The following GOLGA8M variants were observed in gnomAD, a reference collection of about 807,000 sequenced individuals.
The protein encoded by GOLGA8M is golgin subfamily A member 8M.
A neutral mutation model predicts 87.7 loss-of-function variants in GOLGA8M; 34 were observed. The ratio of observed to expected loss-of-function variants is 0.39; its 90% CI spans 0.29 to 0.52. The LOEUF is 0.52. GOLGA8M is among the 20% of genes least tolerant of loss of function. The pLI, the probability that GOLGA8M is intolerant of heterozygous loss-of-function variation, is 0.80. For synonymous variants in GOLGA8M, 138 were observed against 250.2 expected (o/e 0.55, Z 4.23); for missense variants, 396 against 682.2 (o/e 0.58, Z 4.67).
At chr15:28,702,610 C>G in intron 16 of GOLGA8M, 35 bp downstream of exon 16, 1 of 1,608,574 alleles carries the variant, frequency 6.2e-7, no homozygotes, top group Non-Finnish European at 8.5e-7. Context: ...GACGGTCCTG[C>G]AGCTCCCCCT....
Position 28,702,913 on chromosome 15 carries a change from G to A in GOLGA8M, c.1369-168C>T, listed in dbSNP as rs1009666506. The A allele has an allele frequency of 1.0e-5, 10 of 969,888 alleles. 1 individual carries two copies. In the Admixed American group the frequency reaches 4.8e-4, roughly 46 times the overall value. The allele number at this position is 969,888 out of a possible 1,614,324, so 60.1% of individuals were successfully genotyped here. On this transcript the variant is annotated intron_variant, in intron 15 of 18. Coordinates refer to ENST00000563027, the MANE Select transcript of GOLGA8M (RefSeq NM_001282468.3). ...CACAGACTCGCCCCCAGGCCCTGGG[G>A]CTGCAGGGCCTCTGGCTGCCTCTGG...
rs542211626 is a variant in GOLGA8M, at chr15:28,698,644, T to C, written c.*3310A>G. Among the ~76,000 whole-genome samples the C allele has an allele frequency of 0.012, 1,756 of 145,212 alleles. 206 individuals carry two copies. Among genetic ancestry groups the C allele is most frequent in the African/African-American group, 0.047 (1,681 of 35,930 alleles). ...TTAATAAACACTTGCATAGTTATAT[T>C]ACAACTTTGTAAAAATGAAACACAT... On this transcript the variant is annotated 3_prime_UTR_variant, in exon 19 of 19. Coordinates refer to ENST00000563027, the MANE Select transcript of GOLGA8M (RefSeq NM_001282468.3).
intron 13 of GOLGA8M, among the ~76,000 whole-genome samples, chr15:28,704,608 C>T (rs1232882662): frequency 2.7e-5 from 4 of 147,476 alleles, no homozygotes; most frequent in Admixed American, 7.0e-5. Flanking sequence ...ACAAGAGTGT[C>T]ACTCTGTGGC....
At position 28,702,532 on chromosome 15, in the gene GOLGA8M, C is replaced by T. The variant is rs753624309; in HGVS notation, c.1500G>A (p.Gly500=). ...QKIHHLLSEP[G]GRAKDAALGG... ...CCAGTGCCGCATCTTTGGCACGGCCCCCTGGTTCTGATAAAAGGTGATGGA... is the reference window on the plus strand; with the variant it reads ...CCAGTGCCGCATCTTTGGCACGGCCTCCTGGTTCTGATAAAAGGTGATGGA... The change falls in exon 17 of 19, where the codon GGG becomes GGA. Residue 500 remains glycine, a synonymous_variant. Transcript: ENST00000563027. 1.2e-6 allele frequency: 2 copies of T among 1,602,832 alleles called. No individual in the cohort carries two copies. The highest frequency in any genetic ancestry group is 1.3e-5 in the African/African-American group (1 of 74,128).
In GOLGA8M at chr15:28,701,925, C is replaced by A. The variant is rs1209944501; in HGVS notation, c.*29G>T. 1.9e-6 allele frequency: 3 copies of A among 1,595,538 alleles called. No homozygotes were observed. Among genetic ancestry groups the A allele is most frequent in the South Asian group, 1.1e-5 (1 of 90,526 alleles). On this transcript the variant is annotated 3_prime_UTR_variant, in exon 19 of 19. Transcript: ENST00000563027. ...AACTTGGTTTCTTATTTAAAAATTT[C>A]TTGAGCAGCTCTTTGAGGATGGTGA...
At chr15:28,709,243 C>G in intron 4 of GOLGA8M, 24 bp downstream of exon 4, 1 of 1,468,000 alleles carries the variant, frequency 6.8e-7, no homozygotes, top group Non-Finnish European at 9.3e-7. Flanking sequence ...AGCGTGGAAT[C>G]AGGGGACCCC....
At chr15:28,708,100 G>A (rs901043554) in intron 6 of GOLGA8M, 26 bp downstream of exon 6, 1 of 1,605,008 alleles carries the variant, frequency 6.2e-7, no homozygotes, top group African/African-American at 1.3e-5. Flanking sequence ...CGGAGGACAG[G>A]AGGAAACTGC....
chr15:28,707,147 A>T (rs1447731483), intron 8 of GOLGA8M, among the ~76,000 whole-genome samples: 1 of 135,888 alleles, frequency 7.4e-6, no homozygotes, highest in Non-Finnish European at 1.5e-5. Context: ...AGGTCTATCC[A>T]ATTCTCTAAG....
chr15:28,703,897 G>C lies in GOLGA8M; in HGVS notation c.1221C>G (p.Ser407Arg), dbSNP rs749953175. The C allele has an allele frequency of 3.0e-5, 48 of 1,579,550 alleles. 1 individual carries two copies. The highest frequency in any genetic ancestry group is 2.4e-5 in the Non-Finnish European group (28 of 1,175,376). The change falls in exon 14 of 19, where the codon AGC (serine) becomes AGG (arginine). Residue 407 changes from serine (S) to arginine (R), a missense_variant. Coordinates refer to ENST00000563027, the MANE Select transcript of GOLGA8M (RefSeq NM_001282468.3). ...GGGCCGTTAGCTGCTGGTTCTGCTG[G>C]CTGGCAGCTTCCAGGTGCTCCTAAG... ...KLGEEHLEAASQQNQQLTAQL... is the reference protein window; with the variant it reads ...KLGEEHLEAARQQNQQLTAQL...
In GOLGA8M at chr15:28,706,475, T is replaced by G; in HGVS notation, c.710A>C (p.Glu237Ala). Residue 237 changes from glutamate (E) to alanine (A), a missense_variant, in exon 10 of 19, where the codon GAA becomes GCA. Glu to Ala is a moderately radical substitution (Grantham distance 107). Around this residue, in one of 12 missense-constraint regions of GOLGA8M, gnomAD observed 16 missense variants for 19.8 expected, o/e 0.81. Coordinates refer to ENST00000563027, the MANE Select transcript of GOLGA8M (RefSeq NM_001282468.3). ...LKESFQQVQL[E>A]RDEYSEHLKG... is the part of the protein sequence containing the mutation. The stretch of plus-strand genomic sequence containing the variant: ...TAGATGTTCAGAATACTCATCTCTT[T>G]CTAATTGGACTTGTTGAAATGACTC... The G allele has an allele frequency of 1.5e-6, 2 of 1,297,466 alleles. No individual in the cohort carries two copies. The highest frequency in any genetic ancestry group is 2.2e-6 in the Non-Finnish European group (2 of 908,258). 80.4% of individuals were successfully genotyped at this position (1,297,466 alleles called of 1,614,324 possible). A position where few individuals can be genotyped will look rare whatever the true frequency, so the allele number is the denominator to read the frequency against.
chr15:28,700,714 T>G lies in GOLGA8M; in HGVS notation c.*1240A>C, dbSNP rs2079765441. ...TGTTTCTATTATTTTTTAAAGTGTT[T>G]TCCATTCAAGGAAAAAGAAGTAAAT... On this transcript the variant is annotated 3_prime_UTR_variant, in exon 19 of 19. Transcript: ENST00000563027. Among the ~76,000 whole-genome samples, 1 of 151,960 alleles carries G rather than the reference T, an allele frequency of 6.6e-6. No homozygotes were observed. Among genetic ancestry groups the G allele is most frequent in the South Asian group, 2.1e-4 (1 of 4,812 alleles).
rs773966933 is a variant in GOLGA8M, at chr15:28,702,741, C to G, written c.1373G>C (p.Ser458Thr). The change falls in exon 16 of 19, where the codon AGC becomes ACC. Residue 458 changes from serine (S) to threonine (T), a missense_variant. Around this residue, in one of 12 missense-constraint regions of GOLGA8M, gnomAD observed 173 missense variants for 150.2 expected, o/e 1.15. Coordinates refer to ENST00000563027, the MANE Select transcript of GOLGA8M (RefSeq NM_001282468.3). ...CTTCTCCTCCAGGTGGTCCATAAAG[C>G]TGCTCTGGAGCCAAAATATTGCAGT... ...EDPESREAMS[S>T]FMDHLEEKAD... is the part of the protein sequence containing the mutation. The G allele has an allele frequency of 1.2e-6, 2 of 1,600,318 alleles. No individual in the cohort carries two copies. The highest frequency in any genetic ancestry group is 3.3e-5 in the Admixed American group (2 of 59,774).
At chr15:28,711,741 G>C (rs1392315166) in intron 1 of GOLGA8M, 2 of 985,062 alleles carry the variant, frequency 2.0e-6, no homozygotes, top group South Asian at 4.7e-5. Context: ...CTCCTGGTCG[G>C]GGGGAGGGAC....
Position 28,702,118 on chromosome 15 carries a change from C to A in GOLGA8M, c.1735G>T (p.Val579Leu), listed in dbSNP as rs1457804075. 1 of 1,581,264 alleles carries A rather than the reference C, an allele frequency of 6.3e-7. No individual in the cohort carries two copies. The highest frequency in any genetic ancestry group is 1.7e-5 in the Admixed American group (1 of 57,476). The change falls in exon 19 of 19, where the codon GTG becomes TTG. Residue 579 changes from valine to leucine, a missense_variant. Transcript: ENST00000563027. ...AADKHGDLCEVSLTSSAQGEA... is the reference protein window; with the variant it reads ...AADKHGDLCELSLTSSAQGEA... ...CCTTGGGCAGAGGAGGTGAGGCTCA[C>A]CTCACAAAGATCTTTGGAGAGAGGG...
In GOLGA8M at chr15:28,698,599, T is replaced by C. The variant is rs1963117; in HGVS notation, c.*3355A>G. Among the ~76,000 whole-genome samples, 15,858 of 147,054 alleles carry C rather than the reference T, an allele frequency of 0.11. 2,961 individuals carry two copies. Among genetic ancestry groups the C allele is most frequent in the East Asian group, 0.6 (3,046 of 5,070 alleles). ...TAATAAAAGTTTTTTAATTAACCCA[T>C]AACTTTTTTATTTTGGTTTTTAATA... On this transcript the variant is annotated 3_prime_UTR_variant, in exon 19 of 19. Coordinates refer to ENST00000563027, the MANE Select transcript of GOLGA8M (RefSeq NM_001282468.3).
At chr15:28,706,321 T>A in intron 10 of GOLGA8M, 78 bp downstream of exon 10, 1 of 685,362 alleles carries the variant, frequency 1.5e-6, no homozygotes. Flanking sequence ...CCTCTGGCTC[T>A]ACTATTCCCA....
In GOLGA8M at chr15:28,702,110, G is replaced by A; in HGVS notation, c.1743C>T (p.Leu581=). Residue 581 remains leucine, a synonymous_variant, in exon 19 of 19, where the codon CTC becomes CTT. Coordinates refer to ENST00000563027, the MANE Select transcript of GOLGA8M (RefSeq NM_001282468.3). ...TGGCCTCTCCTTGGGCAGAGGAGGT[G>A]AGGCTCACCTCACAAAGATCTTTGG... is the stretch of plus-strand genomic sequence containing the variant. The part of the protein sequence containing the change: ...DKHGDLCEVS[L]TSSAQGEARE... 2 of 1,584,640 alleles carry A rather than the reference G, an allele frequency of 1.3e-6. No homozygotes were observed. The highest frequency in any genetic ancestry group is 2.2e-5 in the South Asian group (2 of 89,950).
At chr15:28,703,986 C>A (rs185223372) in intron 13 of GOLGA8M, 69 bp from the exon 14 acceptor site, 325 of 1,569,348 alleles carry the variant, frequency 2.1e-4, no homozygotes, top group Middle Eastern at 6.1e-4. Context: ...CCCCATCCTC[C>A]GCAGCTCCCT....
chr15:28,705,635 T>C lies in GOLGA8M; in HGVS notation c.979A>G (p.Lys327Glu), dbSNP rs1157778155. 819 of 1,588,186 alleles carry C rather than the reference T, an allele frequency of 5.2e-4. 11 individuals carry two copies. The South Asian group carries it at 7.6e-3, about 15-fold the overall frequency. Residue 327 changes from lysine to glutamate, a missense_variant, in exon 12 of 19, where the codon AAA becomes GAA. By Grantham distance (56) the Lys-to-Glu change is moderately conservative. Around this residue, in one of 12 missense-constraint regions of GOLGA8M, gnomAD observed 28 missense variants for 55.2 expected, o/e 0.51. Coordinates refer to ENST00000563027, the MANE Select transcript of GOLGA8M (RefSeq NM_001282468.3). ...RVAGELQAQV[K>E]NNQRISLLNQ... ...AGGAGACTTATGCGCTGATTGTTTT[T>C]GACCTGGGCCTGGAGCTCTCCTGCC...
Sources: allele counts gnomAD v4.1 joint callset (sites outside exome capture counted in the v4.1 genomes callset), GRCh38; gene constraint gnomAD v4.1.1; regional missense constraint gnomAD v4.1.1; transcripts MANE v1.5; gene names NCBI Gene and HGNC (gene_info 2026-07-23, HGNC 2026-07-21).